The following OXCT1 variants were observed in gnomAD, a reference collection of about 807,000 sequenced individuals.
OXCT1 encodes the protein 3-oxoacid CoA-transferase 1.
In OXCT1, 27 loss-of-function variants were observed where a neutral mutation model predicts 69.6. The observed-to-expected ratio is 0.39, with a 90% CI of 0.29 to 0.54. The LOEUF (loss-of-function observed/expected upper bound fraction) is 0.54, where lower values mean the gene tolerates loss of function less well. Among genes scored for constraint, OXCT1 ranks in the 20% least tolerant of loss-of-function variants. OXCT1 has a pLI of 0.72. For synonymous variants in OXCT1, 202 were observed against 217.8 expected (o/e 0.93, Z 0.64); for missense variants, 437 against 650.2 (o/e 0.67, Z 3.57).
chr5:41,827,677 G>A (rs1437043242), intron 7 of OXCT1, among the ~76,000 whole-genome samples: 2 of 152,024 alleles, frequency 1.3e-5, no homozygotes, highest in Non-Finnish European at 2.9e-5. Flanking sequence ...TAAGAGGATC[G>A]GTGCAAGACA....
At chr5:41,822,361 T>C (rs1242113817) in intron 7 of OXCT1, among the ~76,000 whole-genome samples, 1 of 152,152 alleles carries the variant, frequency 6.6e-6, no homozygotes, top group African/African-American at 2.4e-5. Flanking sequence ...ACTAAGAATT[T>C]TTCTGTTTTT....
chr5:41,789,817 T>C (rs1394367223), intron 13 of OXCT1, among the ~76,000 whole-genome samples: 1 of 152,220 alleles, frequency 6.6e-6, no homozygotes, highest in African/African-American at 2.4e-5. Context: ...TATCTATATT[T>C]TGGACTAACA....
chr5:41,763,413 A>G (rs1744443356), intron 13 of OXCT1, among the ~76,000 whole-genome samples: 1 of 152,132 alleles, frequency 6.6e-6, no homozygotes, highest in South Asian at 2.1e-4. Flanking sequence ...GGAAATGCAT[A>G]CTTTTAAACT....
chr5:41,781,569 C>G (rs1405593122), intron 13 of OXCT1, among the ~76,000 whole-genome samples: 1 of 152,008 alleles, frequency 6.6e-6, no homozygotes, highest in Non-Finnish European at 1.5e-5. Context: ...GGTATTAAGC[C>G]CAGCATCCAT....
chr5:41,834,487 C>CAAAAAAAAAAAAAAA (rs1209653207), intron 7 of OXCT1, among the ~76,000 whole-genome samples: 1 of 75,110 alleles, frequency 1.3e-5, no homozygotes, highest in African/African-American at 4.5e-5. Context: ...TGGAAACCCA[C>CAAAAAAAAAAAAAAA]AAAAAAAAAA....
chr5:41,838,511 A>G (rs1408156510), intron 7 of OXCT1, among the ~76,000 whole-genome samples: 3 of 152,202 alleles, frequency 2.0e-5, no homozygotes, highest in Non-Finnish European at 4.4e-5. Flanking sequence ...TTTGTCCAAT[A>G]AAACTTCCTG....
intron 1 of OXCT1, among the ~76,000 whole-genome samples, chr5:41,868,550 C>A (rs1579919248): frequency 6.6e-6 from 1 of 151,960 alleles, no homozygotes; most frequent in Non-Finnish European, 1.5e-5. Flanking sequence ...GGTGAAACCC[C>A]GTCTCTACTA....
chr5:41,866,706 T>C (rs1487928096), intron 1 of OXCT1, among the ~76,000 whole-genome samples: 1 of 152,202 alleles, frequency 6.6e-6, no homozygotes, highest in Non-Finnish European at 1.5e-5. Context: ...CTCAAGGAGC[T>C]CACAGAGAGT....
chr5:41,780,870 C>T (rs1378751884), intron 13 of OXCT1, among the ~76,000 whole-genome samples: 2 of 151,928 alleles, frequency 1.3e-5, no homozygotes, highest in East Asian at 1.9e-4. Flanking sequence ...TTTCATGTTT[C>T]GTGTACTGCA....
chr5:41,780,397 C>G (rs955001222), intron 13 of OXCT1, among the ~76,000 whole-genome samples: 1 of 152,140 alleles, frequency 6.6e-6, no homozygotes, highest in Non-Finnish European at 1.5e-5. Flanking sequence ...AGTTTAAAAA[C>G]TATAAGCAAA....
In OXCT1 at chr5:41,850,176, T is replaced by C; in HGVS notation, c.418A>G (p.Thr140Ala). The stretch of plus-strand genomic sequence containing the variant: ...CCTGCACGGATCCTCTCTGCAAGTG[T>C]GCCCTGCAAGTGAGCAACCAACACC... ...ELEVELTPQG[T>A]LAERIRAGGA... is the part of the protein sequence containing the mutation. The change falls in exon 5 of 17, where the codon ACA (threonine) becomes GCA (alanine). Residue 140 changes from threonine to alanine, a missense_variant. Around this residue, in one of 4 missense-constraint regions of OXCT1, gnomAD observed 252 missense variants for 397.4 expected, o/e 0.63. Coordinates refer to ENST00000196371, the MANE Select transcript of OXCT1 (RefSeq NM_000436.4). 6.2e-7 allele frequency: 1 copy of C among 1,613,536 alleles called. No individual in the cohort carries two copies. The highest frequency in any genetic ancestry group is 8.5e-7 in the Non-Finnish European group (1 of 1,179,830).
chr5:41,807,576 TATATGTATA>T lies in OXCT1; in HGVS notation c.733-147_733-139del, dbSNP rs1746747957. On this transcript the variant is annotated intron_variant, in intron 7 of 16. Transcript: ENST00000196371. ...GAATATGGACATATATCTATGTATG[TATATGTATA>T]CATATAGGTAATGTCTATCACACCT... is the stretch of plus-strand genomic sequence containing the variant. The T allele has an allele frequency of 1.1e-5, 7 of 653,442 alleles. No individual in the cohort carries two copies. The East Asian group carries it at 1.9e-4, about 18-fold the overall frequency. 40.5% of individuals were successfully genotyped at this position (653,442 alleles called of 1,614,324 possible).
chr5:41,869,730 G>A (rs2112498065), intron 1 of OXCT1, among the ~76,000 whole-genome samples: 1 of 152,218 alleles, frequency 6.6e-6, no homozygotes, highest in South Asian at 2.1e-4. Context: ...GGGAGGAGAG[G>A]ATGGGAGCGG....
At chr5:41,810,742 T>A (rs1009122749) in intron 7 of OXCT1, among the ~76,000 whole-genome samples, 2 of 152,050 alleles carry the variant, frequency 1.3e-5, no homozygotes, top group African/African-American at 4.8e-5. Context: ...AAACATTATA[T>A]CTCAGGTAAG....
In OXCT1 at chr5:41,807,371, T is replaced by C; in HGVS notation, c.800A>G (p.His267Arg). The stretch of plus-strand genomic sequence containing the variant: ...ATATTTTTCTCCCTTTATAAGGCGA[T>C]GTACATAAATCTGAGGAATATGGAT... ...EDIHIPQIYVHRLIKGEKYEK... is the reference protein window; with the variant it reads ...EDIHIPQIYVRRLIKGEKYEK... Residue 267 changes from histidine to arginine, a missense_variant, in exon 8 of 17, where the codon CAT (histidine) becomes CGT (arginine). Transcript: ENST00000196371. 1 of 1,601,790 alleles carries C rather than the reference T, an allele frequency of 6.2e-7. No homozygotes were observed. Among genetic ancestry groups the C allele is most frequent in the Non-Finnish European group, 8.6e-7 (1 of 1,169,308 alleles).
intron 7 of OXCT1, among the ~76,000 whole-genome samples, chr5:41,815,157 C>A (rs1747178175): frequency 6.6e-6 from 1 of 152,000 alleles, no homozygotes; most frequent in African/African-American, 2.4e-5. Context: ...CAACATCTGA[C>A]CCATAATGAT....
chr5:41,731,843 A>G (rs1742649775), intron 16 of OXCT1, 73 bp from the exon 17 acceptor site: 3 of 1,530,040 alleles, frequency 2.0e-6, no homozygotes, highest in Non-Finnish European at 2.7e-6. Context: ...TTAATTTCCA[A>G]ATTTCAATCA....
intron 15 of OXCT1, among the ~76,000 whole-genome samples, chr5:41,744,515 G>C (rs981594697): frequency 3.0e-4 from 46 of 152,266 alleles, no homozygotes; most frequent in African/African-American, 1.0e-3. Flanking sequence ...AATAGGAGTG[G>C]TGAGAGAAAG....
At chr5:41,868,489 C>T (rs146342709) in intron 1 of OXCT1, among the ~76,000 whole-genome samples, 10,926 of 152,114 alleles carry the variant, frequency 0.072, 417 homozygotes, top group Middle Eastern at 0.13. Context: ...TTTGGGAGGC[C>T]GAGGCGGGCG....
Sources: allele counts gnomAD v4.1 joint callset (sites outside exome capture counted in the v4.1 genomes callset), GRCh38; gene constraint gnomAD v4.1.1; regional missense constraint gnomAD v4.1.1; transcripts MANE v1.5; gene names NCBI Gene and HGNC (gene_info 2026-07-23, HGNC 2026-07-21).